The following MME variants were observed in gnomAD, a reference collection of about 807,000 sequenced individuals.
MME encodes the protein neprilysin.
Under a neutral mutation model 113.2 loss-of-function variants are expected in MME, and 98 were observed. The observed-to-expected ratio is 0.87, with a 90% CI of 0.74 to 1.02. MME has a LOEUF of 1.02. Among genes scored for constraint, MME ranks in the 50% least tolerant of loss-of-function variants. The probability of loss-of-function intolerance (pLI) is 0.00; values close to 1 mark genes in which losing one functional copy is unlikely to be tolerated. For missense variants in MME, 836 were observed against 896.0 expected, an observed-to-expected ratio of 0.93 and a Z score of 0.86; for synonymous variants, 292 against 300.6, an observed-to-expected ratio of 0.97 and a Z score of 0.30.
chr3:155,078,374 G>A (rs1714843814), upstream of MME, among the ~76,000 whole-genome samples: 1 of 152,102 alleles, frequency 6.6e-6, no homozygotes, highest in Non-Finnish European at 1.5e-5. Context: ...GACGTCAATA[G>A]CACTTGTTAG....
At chr3:155,095,543 T>C (rs1010362527) in intron 3 of MME, among the ~76,000 whole-genome samples, 10 of 152,140 alleles carry the variant, frequency 6.6e-5, no homozygotes, top group Admixed American at 5.9e-4. Context: ...AGTTAATTAA[T>C]TTTATTTTTT....
In MME at chr3:155,180,477, G is replaced by T; in HGVS notation, c.*18G>T. 6.3e-7 allele frequency: 1 copy of T among 1,588,372 alleles called. No homozygotes were observed. Among genetic ancestry groups the T allele is most frequent in the Non-Finnish European group, 8.6e-7 (1 of 1,156,866 alleles). ...TTTGGTGATCTTCAAAAGAAGCATT[G>T]CAGCCCTTGGCTAGACTTGCCAACA... On this transcript the variant is annotated 3_prime_UTR_variant, in exon 23 of 23. Transcript: ENST00000360490.
intron 14 of MME, among the ~76,000 whole-genome samples, chr3:155,144,923 GA>G (rs2108318131): frequency 6.6e-6 from 1 of 152,250 alleles, no homozygotes; most frequent in African/African-American, 2.4e-5. Context: ...CATGTCCTGT[GA>G]AAACTGTTAA....
chr3:155,147,254 A>G (rs201046929), intron 15 of MME, 30 bp downstream of exon 15: 27 of 1,343,324 alleles, frequency 2.0e-5, no homozygotes, highest in South Asian at 2.3e-5. Flanking sequence ...ACTCTGGACT[A>G]CTGATACTTA....
At chr3:155,104,023 G>A (rs754826736) in intron 3 of MME, among the ~76,000 whole-genome samples, 2 of 152,144 alleles carry the variant, frequency 1.3e-5, no homozygotes, top group Non-Finnish European at 2.9e-5. Context: ...TTGAAAATGA[G>A]ACCTGAGCAT....
intron 1 of MME, among the ~76,000 whole-genome samples, chr3:155,072,185 A>AAG (rs1439991534): frequency 6.6e-6 from 1 of 151,224 alleles, no homozygotes; most frequent in African/African-American, 2.4e-5. Flanking sequence ...AAAAAAAAAA[A>AAG]AAAAAAAGAA....
In MME at chr3:155,172,613, G is replaced by A. The variant is rs1712105774; in HGVS notation, c.2153+1G>A. The A allele has an allele frequency of 1.2e-6, 2 of 1,609,320 alleles. No individual in the cohort carries two copies. The highest frequency in any genetic ancestry group is 1.1e-5 in the South Asian group (1 of 90,998). On this transcript the variant is annotated splice_donor_variant, in intron 22 of 22. Coordinates refer to ENST00000360490, the MANE Select transcript of MME (RefSeq NM_007289.4). LOFTEE classifies it high-confidence loss of function. ...ATGTGCACAGTCCAGGCAATTTCAG[G>A]TGCGTGGATATGAACAGCAATCAAG...
chr3:155,063,257 A>T (rs1405253669), intron 1 of MME, among the ~76,000 whole-genome samples: 45 of 105,418 alleles, frequency 4.3e-4, no homozygotes, highest in Non-Finnish European at 7.2e-4. Flanking sequence ...TAATATACAT[A>T]TAATGTATAT....
At chr3:155,174,433 T>C (rs1712320329) in intron 22 of MME, among the ~76,000 whole-genome samples, 1 of 151,392 alleles carries the variant, frequency 6.6e-6, no homozygotes, top group Non-Finnish European at 1.5e-5. Flanking sequence ...AAGGAAATTA[T>C]TGTTTTCTCT....
At chr3:155,081,360 TTGC>T (rs1260018535) in intron 1 of MME, 1 of 152,250 alleles carries the variant, frequency 6.6e-6, no homozygotes, top group East Asian at 1.9e-4. Context: ...GGTATAAGAA[TTGC>T]TGCTTTACAT....
In MME at chr3:155,143,536, G is replaced by A. The variant is rs201362716; in HGVS notation, c.1282G>A (p.Val428Met). The A allele has an allele frequency of 1.6e-5, 26 of 1,612,694 alleles. No homozygotes were observed. Among genetic ancestry groups the A allele is most frequent in the Non-Finnish European group, 2.1e-5 (25 of 1,178,934 alleles). ...NMENAVGRLY[V>M]EAAFAGESKH... ...GGAAAATGCTGTGGGGAGGCTTTAT[G>A]TGGAAGCAGCATTTGCTGGAGAGAG... Residue 428 changes from valine to methionine, a missense_variant, in exon 13 of 23, where the codon GTG becomes ATG. Coordinates refer to ENST00000360490, the MANE Select transcript of MME (RefSeq NM_007289.4).
At chr3:155,034,973 A>T (rs955165724) in intron 1 of MME, among the ~76,000 whole-genome samples, 1 of 152,186 alleles carries the variant, frequency 6.6e-6, no homozygotes, top group Non-Finnish European at 1.5e-5. Context: ...GCCACAATGG[A>T]TTATTTATGT....
intron 8 of MME, among the ~76,000 whole-genome samples, chr3:155,127,437 T>A (rs1163511522): frequency 6.6e-6 from 1 of 152,220 alleles, no homozygotes; most frequent in Non-Finnish European, 1.5e-5. Context: ...TTAACCTTTA[T>A]GTAAATGGCG....
In MME at chr3:155,035,521, A is replaced by G. The variant is rs1338950246; in HGVS notation, c.-11+11197A>G. ...TTTTTTTAAAGCAAAGAAAGTGAACAGAGATTATGGAGGGAGTGATTTCAT... is the reference window on the plus strand; with the variant it reads ...TTTTTTTAAAGCAAAGAAAGTGAACGGAGATTATGGAGGGAGTGATTTCAT... On this transcript the variant is annotated intron_variant, in intron 1 of 22. Coordinates refer to the MME transcript ENST00000492661. 3.3e-5 allele frequency among the ~76,000 whole-genome samples: 5 copies of G among 152,166 alleles called. No individual in the cohort carries two copies. In the East Asian group the frequency reaches 9.6e-4, roughly 29 times the overall value.
chr3:155,125,186 T>C (rs1314076672), intron 8 of MME, among the ~76,000 whole-genome samples: 2 of 148,616 alleles, frequency 1.3e-5, no homozygotes, highest in Admixed American at 6.8e-5. Context: ...ATTTTCCAGG[T>C]GCGTCCGTCA....
rs1165784045 is a variant in MME, at chr3:155,116,932, TATTA to T, written c.604_607del (p.Asn202CysfsTer11). 3 of 1,612,210 alleles carry T rather than the reference TATTA, an allele frequency of 1.9e-6. No individual in the cohort carries two copies. Among genetic ancestry groups the T allele is most frequent in the African/African-American group, 1.3e-5 (1 of 74,992 alleles). ...ATTCTAAATATGGGAAAAAAGTCCTTATTAATTTGTTTGTTGGCACTGATGATAA... is the reference window on the plus strand; with the variant it reads ...ATTCTAAATATGGGAAAAAAGTCCTTATTTGTTTGTTGGCACTGATGATAA... On this transcript the variant is annotated frameshift_variant, in exon 7 of 23. Transcript: ENST00000360490. LOFTEE classifies it high-confidence loss of function.
chr3:155,109,732 G>T (rs1395652359), intron 3 of MME, among the ~76,000 whole-genome samples: 3 of 152,194 alleles, frequency 2.0e-5, no homozygotes, highest in African/African-American at 7.2e-5. Context: ...AATTGATCAG[G>T]AGTAGAATTC....
rs537513038 is a variant in MME at position 155,106,849 on chromosome 3, G to A, written c.197-8145G>A. On this transcript the variant is annotated intron_variant, in intron 3 of 22. Coordinates refer to ENST00000360490, the MANE Select transcript of MME (RefSeq NM_007289.4). ...GGTGTCCTAAGGTCTTTACAAAAGAGCATTTGCTCCTGGGTTCCCCAACAT... is the reference window on the plus strand; with the variant it reads ...GGTGTCCTAAGGTCTTTACAAAAGAACATTTGCTCCTGGGTTCCCCAACAT... 1.2e-3 allele frequency among the ~76,000 whole-genome samples: 190 copies of A among 152,274 alleles called. 1 individual carries two copies. The highest frequency in any genetic ancestry group is 4.3e-3 in the African/African-American group (178 of 41,546).
chr3:155,113,693 C>G (rs1718370118), intron 3 of MME, among the ~76,000 whole-genome samples: 1 of 151,814 alleles, frequency 6.6e-6, no homozygotes, highest in Non-Finnish European at 1.5e-5. Flanking sequence ...GACTTCTAGT[C>G]AAAAAGGAAT....
Sources: gnomAD v4.1 joint callset for allele counts (sites outside exome capture counted in the v4.1 genomes callset) on GRCh38, gnomAD v4.1.1 for gene constraint, MANE v1.5 for transcripts, NCBI Gene and HGNC (gene_info 2026-07-23, HGNC 2026-07-21) for gene names.